Variants in WDR4 observed in about 807,000 individuals in gnomAD.
WDR4 encodes the protein WDR4 tRNA N7-guanosine methyltransferase non-catalytic subunit, also known as tRNA (guanine-N(7)-)-methyltransferase non-catalytic subunit WDR4.
Under a neutral mutation model 48.6 loss-of-function variants are expected in WDR4, and 47 were observed. The observed-to-expected ratio is 0.97, with a 90% CI of 0.77 to 1.23. The LOEUF is 1.23. Ranked by LOEUF, WDR4 falls within the 50% of genes most tolerant of loss-of-function variation. The pLI is 0.00. For synonymous variants in WDR4, 268 were observed against 230.0 expected (o/e 1.17, Z -1.49); for missense variants, 606 against 551.6 (o/e 1.10, Z -0.99).
At chr21:42,852,165 A>ACC (rs1053862259) in intron 10 of WDR4, 90 bp downstream of exon 10, 1 of 1,327,102 alleles carries the variant, frequency 7.5e-7, no homozygotes, top group African/African-American at 1.4e-5. Flanking sequence ...CACACCAGGT[A>ACC]CCCCGGGCAG....
At chr21:42,885,376 C>T in the WDR4 span, among the ~76,000 whole-genome samples, 44 of 152,082 alleles carry the variant, frequency 2.9e-4, 1 homozygote, top group East Asian at 1.7e-3. Context: ...TTTGGGAAGC[C>T]GAGGCAGGCA....
rs756589615 is a variant in WDR4 at position 42,850,186 on chromosome 21, C to G, written c.1102G>C (p.Val368Leu). ...SSLYKATFDN[V>L]TSYLKKKEER... ...TCTTTCTTCTTCAGGTAGGAGGTCA[C>G]GTTGTCGAACGTGGCCTTGTAGAGA... is the stretch of plus-strand genomic sequence containing the variant. The change falls in exon 11 of 11, where the codon GTG becomes CTG. Residue 368 changes from valine to leucine, a missense_variant. Coordinates refer to ENST00000398208, the MANE Select transcript of WDR4 (RefSeq NM_018669.6). 3 of 1,613,900 alleles carry G rather than the reference C, an allele frequency of 1.9e-6. No individual in the cohort carries two copies. Among genetic ancestry groups the G allele is most frequent in the Non-Finnish European group, 2.5e-6 (3 of 1,179,932 alleles).
At chr21:42,869,942 G>A (rs538919008) in intron 3 of WDR4, among the ~76,000 whole-genome samples, 57 of 152,080 alleles carry the variant, frequency 3.7e-4, no homozygotes, top group Admixed American at 9.2e-4. Context: ...GAACCCAGGA[G>A]GCGGAGGTTG....
At chr21:42,860,075 GC>G (rs937488713) in intron 5 of WDR4, among the ~76,000 whole-genome samples, 3 of 152,072 alleles carry the variant, frequency 2.0e-5, no homozygotes, top group African/African-American at 7.2e-5. Context: ...ACCTCTACAG[GC>G]CCCCCAGCAC....
chr21:42,876,347 G>A (rs1354308602), intron 2 of WDR4, among the ~76,000 whole-genome samples: 8 of 151,752 alleles, frequency 5.3e-5, no homozygotes, highest in Admixed American at 4.6e-4. Flanking sequence ...CCAAGTAGAC[G>A]GGATTACAGG....
chr21:42,859,596 C>CCG lies in WDR4; in HGVS notation c.627+65_627+66insCG. ...ATCCACAGGGGCCAGGTCCAGGAGGCGCCCACCCCACCCTCCCTGCAGGCT... is the reference window on the plus strand; with the variant it reads ...ATCCACAGGGGCCAGGTCCAGGAGGCCGGCCCACCCCACCCTCCCTGCAGGCT... On this transcript the variant is annotated intron_variant, in intron 6 of 10. Transcript: ENST00000398208. 2.4e-5 allele frequency: 11 copies of CCG among 467,720 alleles called. 1 individual carries two copies. The highest frequency in any genetic ancestry group is 9.0e-5 in the African/African-American group (2 of 22,172). 29.0% of individuals were successfully genotyped at this position (467,720 alleles called of 1,614,324 possible). A position where few individuals can be genotyped will look rare whatever the true frequency, so the allele number is the denominator to read the frequency against.
chr21:42,852,330 G>A lies in WDR4; in HGVS notation c.976-6C>T. 1 of 1,613,868 alleles carries A rather than the reference G, an allele frequency of 6.2e-7. No homozygotes were observed. The highest frequency in any genetic ancestry group is 8.5e-7 in the Non-Finnish European group (1 of 1,179,908). ...ACGGTGCTCTCAGGAACAGACTGCA[G>A]GCGACAAACAGGAAATCTTCATCAG... is the stretch of plus-strand genomic sequence containing the variant. On this transcript the variant is annotated splice_region_variant and splice_polypyrimidine_tract_variant and intron_variant, in intron 9 of 10. Transcript: ENST00000398208.
chr21:42,875,916 CTTT>C (rs71194083), intron 2 of WDR4, among the ~76,000 whole-genome samples: 25 of 104,896 alleles, frequency 2.4e-4, no homozygotes, highest in South Asian at 1.6e-3. Flanking sequence ...TAACACTGTG[CTTT>C]TTTTTTTTTT....
Position 42,873,556 on chromosome 21 carries a change from A to G in WDR4, c.291T>C (p.Ser97=), listed in dbSNP as rs2058420534. The stretch of plus-strand genomic sequence containing the variant: ...CCAGCGTTAGCATCTCATACCTGAC[A>G]CTCAGACATTGCCATGGTTTTGTAC... ...LFRTKPWQCL[S]VRTVARRCTA... The change falls in exon 3 of 11, where the codon AGT becomes AGC. Residue 97 remains serine, a synonymous_variant. Coordinates refer to ENST00000398208, the MANE Select transcript of WDR4 (RefSeq NM_018669.6). 4.3e-6 allele frequency: 7 copies of G among 1,614,060 alleles called. No homozygotes were observed. The highest frequency in any genetic ancestry group is 5.9e-6 in the Non-Finnish European group (7 of 1,179,984).
intron 5 of WDR4, among the ~76,000 whole-genome samples, chr21:42,861,235 A>T (rs1317626741): frequency 6.6e-6 from 1 of 150,464 alleles, no homozygotes; most frequent in Admixed American, 6.7e-5. Context: ...AATCGCTTGA[A>T]CCTGGAAGGC....
chr21:42,889,274 C>T, the WDR4 span, among the ~76,000 whole-genome samples: 277 of 152,138 alleles, frequency 1.8e-3, 2 homozygotes, highest in East Asian at 2.7e-3. Context: ...TGAGCCACTG[C>T]GCCTGGCCAA....
chr21:42,879,462 G>GT lies in WDR4; in HGVS notation c.33_34insA (p.Gln12ThrfsTer20). 3 of 1,613,654 alleles carry GT rather than the reference G, an allele frequency of 1.9e-6. No homozygotes were observed. Among genetic ancestry groups the GT allele is most frequent in the Non-Finnish European group, 2.5e-6 (3 of 1,179,880 alleles). ...CTGCCGCCCCGCACCACCAACGTCT[G>GT]CCCGCACAACGCCAGTCCCACAGAG... is the stretch of plus-strand genomic sequence containing the variant. On this transcript the variant is annotated frameshift_variant, in exon 1 of 11. Coordinates refer to ENST00000398208, the MANE Select transcript of WDR4 (RefSeq NM_018669.6). LOFTEE classifies it high-confidence loss of function.
chr21:42,866,517 G>A (rs1025320026), intron 3 of WDR4, among the ~76,000 whole-genome samples: 1 of 152,154 alleles, frequency 6.6e-6, no homozygotes, highest in Non-Finnish European at 1.5e-5. Flanking sequence ...TCTGGGGAGC[G>A]GGTGCATCAG....
intron 10 of WDR4, among the ~76,000 whole-genome samples, chr21:42,851,387 G>A (rs949336748): frequency 6.6e-6 from 1 of 152,236 alleles, no homozygotes; most frequent in Non-Finnish European, 1.5e-5. Flanking sequence ...CCAGCGTGCC[G>A]CCACTCGGGG....
chr21:42,863,618 C>T, intron 3 of WDR4, 22 bp from the exon 4 acceptor site: 1 of 1,605,448 alleles, frequency 6.2e-7, no homozygotes, highest in South Asian at 1.1e-5. Context: ...GAAAGACACC[C>T]CCATTAGCTT....
chr21:42,872,945 T>C (rs527498295), intron 3 of WDR4, among the ~76,000 whole-genome samples: 1 of 151,712 alleles, frequency 6.6e-6, no homozygotes, highest in Non-Finnish European at 1.5e-5. Context: ...CTCAAAAAAA[T>C]AAAAAAGGAG....
intron 3 of WDR4, among the ~76,000 whole-genome samples, chr21:42,866,946 T>G (rs969388775): frequency 6.6e-6 from 1 of 152,176 alleles, no homozygotes; most frequent in African/African-American, 2.4e-5. Context: ...AGGCGTGCCC[T>G]ACACCAAGGT....
intron 6 of WDR4, among the ~76,000 whole-genome samples, chr21:42,856,569 T>TA (rs994724858): frequency 2.0e-5 from 3 of 151,902 alleles, no homozygotes; most frequent in Non-Finnish European, 2.9e-5. Context: ...ATACCTGGCT[T>TA]AAAAAAAATT....
At position 42,849,928 on chromosome 21, in the gene WDR4, C is replaced by A; in HGVS notation, c.*121G>T. ...TCTAGAGCCCAGGGGACAGCCCCAT[C>A]CTCTGAGCTGGTCACAACTGATGTC... On this transcript the variant is annotated 3_prime_UTR_variant, in exon 11 of 11. Transcript: ENST00000398208. The A allele has an allele frequency of 8.0e-7, 1 of 1,253,516 alleles. No individual in the cohort carries two copies. Among genetic ancestry groups the A allele is most frequent in the South Asian group, 1.4e-5 (1 of 72,774 alleles). The allele number at this position is 1,253,516 out of a possible 1,614,324, so 77.6% of individuals were successfully genotyped here.
Sources: gnomAD v4.1 joint callset for allele counts (sites outside exome capture counted in the v4.1 genomes callset) on GRCh38, gnomAD v4.1.1 for gene constraint, MANE v1.5 for transcripts, NCBI Gene and HGNC (gene_info 2026-07-23, HGNC 2026-07-21) for gene names.